FRMD4B: variants seen among roughly 807,000 people sequenced by gnomAD.
The protein encoded by FRMD4B is FERM domain-containing protein 4B.
FRMD4B carries 74 observed loss-of-function variants against 141.5 expected under a neutral mutation model. That is an observed-to-expected ratio of 0.52 (90% CI 0.43 to 0.63). The LOEUF (loss-of-function observed/expected upper bound fraction) is 0.63. Among genes scored for constraint, FRMD4B ranks in the 30% least tolerant of loss-of-function variants. The pLI, the probability that FRMD4B is intolerant of heterozygous loss-of-function variation, is 0.00. For synonymous variants in FRMD4B, 506 were observed against 467.9 expected (o/e 1.08, Z -1.05); for missense variants, 1,366 against 1,253.4 (o/e 1.09, Z -1.36).
intron 3 of FRMD4B, chr3:69,310,333 A>C (rs572734785): frequency 5.0e-5 from 20 of 397,800 alleles, no homozygotes; most frequent in South Asian, 3.7e-4. Context: ...TAAACTAAAG[A>C]ACTGAAAAAT....
intron 1 of FRMD4B, among the ~76,000 whole-genome samples, chr3:69,499,783 G>A (rs909328795): frequency 7.2e-5 from 11 of 152,104 alleles, no homozygotes. Flanking sequence ...AATAGCTGTG[G>A]CCCGATTATA....
At chr3:69,237,014 G>A (rs1278934286) in intron 7 of FRMD4B, among the ~76,000 whole-genome samples, 1 of 152,132 alleles carries the variant, frequency 6.6e-6, no homozygotes, top group African/African-American at 2.4e-5. Flanking sequence ...CCACCTAGCC[G>A]GGTAAGCGAG....
intron 1 of FRMD4B, among the ~76,000 whole-genome samples, chr3:69,435,131 T>C (rs958789015): frequency 5.9e-5 from 9 of 152,204 alleles, no homozygotes. Context: ...CACAGTCACA[T>C]TCTGAGGTAC....
At chr3:69,182,500 G>C in intron 20 of FRMD4B, 98 bp downstream of exon 20, 1 of 1,171,248 alleles carries the variant, frequency 8.5e-7, no homozygotes. Flanking sequence ...TCCTGCTACA[G>C]AAAGTCACTT....
At chr3:69,293,244 T>C (rs9817621) in intron 4 of FRMD4B, among the ~76,000 whole-genome samples, 4,877 of 152,150 alleles carry the variant, frequency 0.032, 288 homozygotes, top group African/African-American at 0.11. Context: ...CTTAAATTTA[T>C]GTGGCCAATA....
intron 11 of FRMD4B, among the ~76,000 whole-genome samples, chr3:69,204,992 C>T (rs754998558): frequency 2.7e-5 from 4 of 146,942 alleles, no homozygotes; most frequent in Non-Finnish European, 5.9e-5. Flanking sequence ...CAATGTATAA[C>T]CACAGCATGT....
At chr3:69,256,029 C>T (rs1354603093) in intron 5 of FRMD4B, among the ~76,000 whole-genome samples, 6 of 151,928 alleles carry the variant, frequency 3.9e-5, no homozygotes, top group East Asian at 1.9e-4. Context: ...CCAAGGAGTC[C>T]GAGGCTGCTG....
chr3:69,224,305 A>G (rs1239702995), intron 8 of FRMD4B, among the ~76,000 whole-genome samples: 3 of 152,218 alleles, frequency 2.0e-5, no homozygotes, highest in Non-Finnish European at 2.9e-5. Flanking sequence ...GTGACTGCAC[A>G]TATATTGAAT....
intron 1 of FRMD4B, among the ~76,000 whole-genome samples, chr3:69,506,715 G>A (rs966637953): frequency 6.6e-6 from 1 of 151,584 alleles, no homozygotes; most frequent in African/African-American, 2.4e-5. Flanking sequence ...AATTTTTTTG[G>A]GGGGGGTGGG....
intron 5 of FRMD4B, among the ~76,000 whole-genome samples, chr3:69,259,959 T>A (rs564924618): frequency 1.3e-5 from 2 of 152,350 alleles, no homozygotes; most frequent in Admixed American, 6.5e-5. Flanking sequence ...GCCTGGCTAA[T>A]GAAATCGCTT....
At chr3:69,246,755 C>A (rs1377944516) in intron 7 of FRMD4B, among the ~76,000 whole-genome samples, 2 of 152,190 alleles carry the variant, frequency 1.3e-5, no homozygotes, top group Non-Finnish European at 2.9e-5. Flanking sequence ...GTAGTTTGGA[C>A]AATTTCAAAA....
At chr3:69,242,779 G>T (rs34633526) in intron 7 of FRMD4B, among the ~76,000 whole-genome samples, 3 of 151,304 alleles carry the variant, frequency 2.0e-5, no homozygotes, top group African/African-American at 2.4e-5. Context: ...TGGATCATGA[G>T]GTCAGGAGTT....
At chr3:69,482,083 G>T (rs963438322) in intron 1 of FRMD4B, among the ~76,000 whole-genome samples, 2 of 152,114 alleles carry the variant, frequency 1.3e-5, no homozygotes, top group Non-Finnish European at 2.9e-5. Flanking sequence ...TCTGTTTGGG[G>T]ACAAAAATCA....
At chr3:69,195,627 C>T (rs1252461214) in intron 14 of FRMD4B, among the ~76,000 whole-genome samples, 1 of 152,138 alleles carries the variant, frequency 6.6e-6, no homozygotes, top group African/African-American at 2.4e-5. Context: ...GTCCCAGACA[C>T]ACCCAAAGAA....
intron 1 of FRMD4B, among the ~76,000 whole-genome samples, chr3:69,459,103 C>T (rs73835858): frequency 0.012 from 1,754 of 152,248 alleles, 32 homozygotes; most frequent in African/African-American, 0.039. Context: ...ATAAATACAC[C>T]GTTGGTACTT....
At position 69,385,815 on chromosome 3, in the gene FRMD4B, C is replaced by G; in HGVS notation, c.162+13G>C. ...CCTGCTGGGGCCCTCGGGTGCCGCG[C>G]GCTCCAGCTCACCTGGTACACGTCC... On this transcript the variant is annotated intron_variant, in intron 1 of 22. Transcript: ENST00000398540. The G allele has an allele frequency of 6.5e-7, 1 of 1,535,936 alleles. No homozygotes were observed. The highest frequency in any genetic ancestry group is 1.4e-5 in the African/African-American group (1 of 72,568).
At chr3:69,398,893 T>C (rs1216968929) in intron 2 of FRMD4B, among the ~76,000 whole-genome samples, 1 of 152,172 alleles carries the variant, frequency 6.6e-6, no homozygotes, top group African/African-American at 2.4e-5. Context: ...TCCAAACATA[T>C]ACTGCATACT....
Position 69,196,965 on chromosome 3 carries a change from T to C in FRMD4B, c.1027A>G (p.Ile343Val), listed in dbSNP as rs754526422. ...ATTGCCATTACCCAAATGGACTTGA[T>C]GAGAGAAGAGTTAGCATACCATGTT... is the stretch of plus-strand genomic sequence containing the variant. ...VQTWYANSSLIKSIWVMAISQ... is the reference protein window; with the variant it reads ...VQTWYANSSLVKSIWVMAISQ... Residue 343 changes from isoleucine (I) to valine (V), a missense_variant, in exon 13 of 23, where the codon ATC (isoleucine) becomes GTC (valine). Physicochemically the swap from Ile to Val is conservative, Grantham distance 29. Coordinates refer to ENST00000398540, the MANE Select transcript of FRMD4B (RefSeq NM_015123.3). The C allele has an allele frequency of 1.9e-6, 3 of 1,608,694 alleles. No individual in the cohort carries two copies. The highest frequency in any genetic ancestry group is 2.6e-6 in the Non-Finnish European group (3 of 1,175,004).
At chr3:69,316,760 T>C (rs1179045774) in intron 1 of FRMD4B, among the ~76,000 whole-genome samples, 3 of 152,236 alleles carry the variant, frequency 2.0e-5, no homozygotes, top group Non-Finnish European at 2.9e-5. Flanking sequence ...TTAAGGAATA[T>C]GTCATAATTG....
Sources: allele counts gnomAD v4.1 joint callset (sites outside exome capture counted in the v4.1 genomes callset), GRCh38; gene constraint gnomAD v4.1.1; transcripts MANE v1.5; gene names NCBI Gene and HGNC (gene_info 2026-07-23, HGNC 2026-07-21).